Variants in MRPS15 observed in about 807,000 individuals in gnomAD.
MRPS15 encodes mitochondrial ribosomal protein S15, also known as small ribosomal subunit protein uS15m.
In MRPS15, 25 loss-of-function variants were observed where a neutral mutation model predicts 30.7. The observed-to-expected ratio is 0.81, with a 90% CI of 0.59 to 1.14. The LOEUF is 1.14. MRPS15 is among the 50% of genes most tolerant of loss of function. MRPS15 has a pLI of 0.00. For missense variants in MRPS15, 313 were observed against 321.7 expected (o/e 0.97, Z 0.21); for synonymous variants, 124 against 120.1 (o/e 1.03, Z -0.21).
rs1416435580 is a variant in MRPS15 at position 36,462,127 on chromosome 1, G to A, written c.212C>T (p.Thr71Met). Residue 71 changes from threonine (T) to methionine (M), a missense_variant, in exon 3 of 8, where the codon ACG (threonine) becomes ATG (methionine). Physicochemically the swap from Thr to Met is moderately conservative, Grantham distance 81. Transcript: ENST00000373116. ...GACATTCTGGTAGTCTTTGAGCAGCGTAGAGGGAGGTGGGTCATCATCCAG... is the reference window on the plus strand; with the variant it reads ...GACATTCTGGTAGTCTTTGAGCAGCATAGAGGGAGGTGGGTCATCATCCAG... ...SRLDDDPPPS[T>M]LLKDYQNVPG... 24 of 1,613,128 alleles carry A rather than the reference G, an allele frequency of 1.5e-5. No homozygotes were observed. Among genetic ancestry groups the A allele is most frequent in the East Asian group, 2.2e-5 (1 of 44,868 alleles).
chr1:36,457,930 T>A lies in MRPS15; in HGVS notation c.437A>T (p.His146Leu). 1.2e-6 allele frequency: 2 copies of A among 1,614,194 alleles called. No individual in the cohort carries two copies. The highest frequency in any genetic ancestry group is 2.2e-5 in the South Asian group (2 of 91,086). ...IRSYEEHLEK[H>L]RKDKAHKRYL... The stretch of plus-strand genomic sequence containing the variant: ...ATGACGTCCAGAGTTTACCTTTCGA[T>A]GTTTCTCCAAGTGTTCTTCATAACT... Residue 146 changes from histidine (H) to leucine (L), a missense_variant, in exon 6 of 8, where the codon CAT (histidine) becomes CTT (leucine). By Grantham distance (99) the His-to-Leu change is moderately conservative. Transcript: ENST00000373116.
chr1:36,456,467 A>G, intron 6 of MRPS15, 89 bp from the exon 7 acceptor site: 1 of 1,219,648 alleles, frequency 8.2e-7, no homozygotes, highest in Non-Finnish European at 1.1e-6. Flanking sequence ...ATTTCACTGA[A>G]ATTTCTCAGT....
At chr1:36,457,408 G>A (rs12023003) in intron 6 of MRPS15, among the ~76,000 whole-genome samples, 40,179 of 151,762 alleles carry the variant, frequency 0.26, 5,944 homozygotes, top group Middle Eastern at 0.4. Context: ...ATTATTCCTC[G>A]TTAAGATGGG....
rs1650093026 is a variant in MRPS15 at position 36,461,268 on chromosome 1, T to C, written c.296A>G (p.Asn99Ser). Residue 99 changes from asparagine to serine, a missense_variant, in exon 4 of 8, where the codon AAC becomes AGC. By Grantham distance (46) the Asn-to-Ser change is conservative. Coordinates refer to ENST00000373116, the MANE Select transcript of MRPS15 (RefSeq NM_031280.4). ...GGCTTGGCAGAGGCTGCTCACCTTG[T>C]TGGCCATTTCCAAAGACAAGAGTCT... ...VKRLLSLEMA[N>S]KKEMLKIKQE... The C allele has an allele frequency of 6.2e-7, 1 of 1,614,220 alleles. No homozygotes were observed. Among genetic ancestry groups the C allele is most frequent in the Non-Finnish European group, 8.5e-7 (1 of 1,180,042 alleles).
At chr1:36,457,143 G>T (rs557776897) in intron 6 of MRPS15, among the ~76,000 whole-genome samples, 4 of 152,174 alleles carry the variant, frequency 2.6e-5, no homozygotes, top group Non-Finnish European at 5.9e-5. Context: ...GGGTGTGGTG[G>T]CATGCGCCTG....
chr1:36,463,481 G>A (rs1215707082), intron 2 of MRPS15, among the ~76,000 whole-genome samples: 1 of 152,172 alleles, frequency 6.6e-6, no homozygotes, highest in South Asian at 2.1e-4. Flanking sequence ...GAGTTGCAAT[G>A]GGAAATTACA....
At chr1:36,462,950 C>T (rs1359151737) in intron 2 of MRPS15, among the ~76,000 whole-genome samples, 1 of 150,548 alleles carries the variant, frequency 6.6e-6, no homozygotes, top group African/African-American at 2.5e-5. Context: ...GGGGCCATGT[C>T]CAGCCAATAA....
rs761233844 is a variant in MRPS15, at chr1:36,463,790, C to T, written c.175+16G>A. 1.4e-5 allele frequency: 22 copies of T among 1,610,352 alleles called. No homozygotes were observed. In the Admixed American group the frequency reaches 2.0e-4, roughly 15 times the overall value. On this transcript the variant is annotated intron_variant, in intron 2 of 7. Coordinates refer to ENST00000373116, the MANE Select transcript of MRPS15 (RefSeq NM_031280.4). ...GGTCTCTCTTCCGCCCCAAGTCCCA[C>T]CTTAGGAACTCCTACCTGGTTTCCG...
rs578080185 is a variant in MRPS15, at chr1:36,463,775, C to T, written c.175+31G>A. The T allele has an allele frequency of 1.1e-5, 17 of 1,602,118 alleles. No individual in the cohort carries two copies. In the South Asian group the frequency reaches 1.8e-4, roughly 17 times the overall value. On this transcript the variant is annotated intron_variant, in intron 2 of 7. Coordinates refer to ENST00000373116, the MANE Select transcript of MRPS15 (RefSeq NM_031280.4). ...CCCAGCCTTCCAGGAGGTCTCTCTTCCGCCCCAAGTCCCACCTTAGGAACT... is the reference window on the plus strand; with the variant it reads ...CCCAGCCTTCCAGGAGGTCTCTCTTTCGCCCCAAGTCCCACCTTAGGAACT...
In MRPS15 at chr1:36,462,140, G is replaced by T. The variant is rs1650111527; in HGVS notation, c.199C>A (p.Pro67Thr). 1.2e-6 allele frequency: 2 copies of T among 1,612,994 alleles called. No homozygotes were observed. Among genetic ancestry groups the T allele is most frequent in the Non-Finnish European group, 1.7e-6 (2 of 1,179,302 alleles). The change falls in exon 3 of 8, where the codon CCA becomes ACA. Residue 67 changes from proline (P) to threonine (T), a missense_variant. Transcript: ENST00000373116. ...TCTTTGAGCAGCGTAGAGGGAGGTG[G>T]GTCATCATCCAGCCTAGACTGGGCT... The part of the protein sequence containing the change: ...KPAQSRLDDD[P>T]PPSTLLKDYQ...
chr1:36,455,951 G>T, intron 7 of MRPS15, 26 bp from the exon 8 acceptor site: 4 of 1,610,554 alleles, frequency 2.5e-6, no homozygotes, highest in South Asian at 1.1e-5. Flanking sequence ...GGCAGAAAAA[G>T]ACCTTGTAAT....
intron 3 of MRPS15, among the ~76,000 whole-genome samples, chr1:36,461,525 C>G (rs1317596941): frequency 1.3e-5 from 2 of 152,076 alleles, no homozygotes; most frequent in Non-Finnish European, 2.9e-5. Context: ...GCTGTCAGCT[C>G]GACTGTTCCG....
At chr1:36,464,059 A>ATCTCCCCTCCTCCTGTGCTTCCT (rs1650156133) in intron 1 of MRPS15, 87 bp downstream of exon 1, 3 of 1,544,564 alleles carry the variant, frequency 1.9e-6, no homozygotes, top group Admixed American at 1.9e-5. Flanking sequence ...ACCGCTGTAT[A>ATCTCCCCTCCTCCTGTGCTTCCT]TCTCCCCTAC....
chr1:36,460,760 A>C lies in MRPS15; in HGVS notation c.317T>G (p.Ile106Ser). The C allele has an allele frequency of 1.2e-6, 2 of 1,613,984 alleles. No individual in the cohort carries two copies. Among genetic ancestry groups the C allele is most frequent in the Non-Finnish European group, 1.7e-6 (2 of 1,179,916 alleles). ...EMANKKEMLK[I>S]KQEQFMKKIV... is the part of the protein sequence containing the mutation. ...CTTCTTCATAAACTGTTCTTGCTTGATTTTTAGCATCTCCTTCTGTTGAAG... is the reference window on the plus strand; with the variant it reads ...CTTCTTCATAAACTGTTCTTGCTTGCTTTTTAGCATCTCCTTCTGTTGAAG... Residue 106 changes from isoleucine (I) to serine (S), a missense_variant, in exon 5 of 8, where the codon ATC becomes AGC. Coordinates refer to ENST00000373116, the MANE Select transcript of MRPS15 (RefSeq NM_031280.4).
At chr1:36,457,810 G>C in intron 6 of MRPS15, 113 bp downstream of exon 6, 1 of 992,776 alleles carries the variant, frequency 1.0e-6, no homozygotes, top group East Asian at 2.4e-5. Flanking sequence ...AGGCAGGAGG[G>C]AAGCATTTTC....
intron 2 of MRPS15, among the ~76,000 whole-genome samples, chr1:36,462,863 G>C (rs1442420433): frequency 6.6e-6 from 1 of 152,114 alleles, no homozygotes; most frequent in Non-Finnish European, 1.5e-5. Flanking sequence ...GTAGAGACTG[G>C]GTCTTGCTAT....
At chr1:36,461,342 C>T (rs1557581322) in intron 3 of MRPS15, 30 bp from the exon 4 acceptor site, 4 of 1,605,204 alleles carry the variant, frequency 2.5e-6, no homozygotes, top group African/African-American at 2.7e-5. Flanking sequence ...ATGAGACAGA[C>T]ATTGGGGGAG....
chr1:36,464,174 A>C lies in MRPS15; in HGVS notation c.102T>G (p.Pro34=). The change falls in exon 1 of 8, where the codon CCT becomes CCG. Residue 34 remains proline, a synonymous_variant. Coordinates refer to ENST00000373116, the MANE Select transcript of MRPS15 (RefSeq NM_031280.4). The part of the protein sequence containing the change: ...GLPGGGSAKF[P]FNQWGLQPRS... ...GAGGCTGCAGGCCCCACTGGTTGAAAGGAAACTTGGCGCTCCCACCGCCCG... is the reference window on the plus strand; with the variant it reads ...GAGGCTGCAGGCCCCACTGGTTGAACGGAAACTTGGCGCTCCCACCGCCCG... The C allele has an allele frequency of 1.2e-6, 2 of 1,613,718 alleles. No homozygotes were observed. Among genetic ancestry groups the C allele is most frequent in the East Asian group, 2.2e-5 (1 of 44,846 alleles).
At position 36,464,369 on chromosome 1, in the gene MRPS15, A is replaced by C. The variant is rs540980391; in HGVS notation, c.-94T>G. ...ATGGGCGCCGCCATGCTGGCCCAGG[A>C]TCGACCAATCGAGGCAGTTGCAATA... On this transcript the variant is annotated 5_prime_UTR_variant, in exon 1 of 8. Coordinates refer to ENST00000373116, the MANE Select transcript of MRPS15 (RefSeq NM_031280.4). The C allele has an allele frequency of 1.9e-5, 28 of 1,490,058 alleles. No homozygotes were observed. In the Admixed American group the frequency reaches 1.9e-4, roughly 10 times the overall value. 92.3% of individuals were successfully genotyped at this position (1,490,058 alleles called of 1,614,324 possible). A position where few individuals can be genotyped will look rare whatever the true frequency, so the allele number is the denominator to read the frequency against.
Sources: gnomAD v4.1 joint callset for allele counts (sites outside exome capture counted in the v4.1 genomes callset) on GRCh38, gnomAD v4.1.1 for gene constraint, MANE v1.5 for transcripts, NCBI Gene and HGNC (gene_info 2026-07-23, HGNC 2026-07-21) for gene names.